Variants in ATP6V1E1 observed in about 807,000 individuals in gnomAD.
ATP6V1E1 encodes the protein V-type proton ATPase subunit E 1.
Under a neutral mutation model 35.2 loss-of-function variants are expected in ATP6V1E1, and 21 were observed. The ratio of observed to expected loss-of-function variants is 0.60; its 90% CI spans 0.42 to 0.86. The LOEUF (loss-of-function observed/expected upper bound fraction) is 0.86. Ranked by LOEUF, ATP6V1E1 falls within the 40% of genes least tolerant of loss-of-function variation. The pLI is 0.00. For missense variants in ATP6V1E1, 183 were observed against 272.6 expected (o/e 0.67, Z 2.32); for synonymous variants, 83 against 87.8 (o/e 0.95, Z 0.30).
chr22:17,596,196 C>T (rs2057731409), intron 7 of ATP6V1E1, among the ~76,000 whole-genome samples: 1 of 152,096 alleles, frequency 6.6e-6, no homozygotes, highest in Admixed American at 6.6e-5. Flanking sequence ...CGTCAATTTA[C>T]AGATAAGGGA....
intron 6 of ATP6V1E1, among the ~76,000 whole-genome samples, chr22:17,598,828 A>C (rs1362945480): frequency 6.6e-6 from 1 of 152,238 alleles, no homozygotes; most frequent in East Asian, 1.9e-4. Context: ...CTGGGTATAC[A>C]GACAAACGGA....
At position 17,626,709 on chromosome 22, in the gene ATP6V1E1, T is replaced by C. The variant is rs1478926157; in HGVS notation, c.33+1894A>G. 2.0e-5 allele frequency among the ~76,000 whole-genome samples: 3 copies of C among 152,134 alleles called. No homozygotes were observed. In the South Asian group the frequency reaches 6.2e-4, roughly 31 times the overall value. On this transcript the variant is annotated intron_variant, in intron 1 of 8. Transcript: ENST00000253413. The stretch of plus-strand genomic sequence containing the variant: ...GCACGCCCCACTAATTTTGTATTTT[T>C]AGTAGAGACAGGGTTTTGCCACGTT...
At chr22:17,594,280 A>T (rs547436297) in intron 8 of ATP6V1E1, among the ~76,000 whole-genome samples, 1 of 152,176 alleles carries the variant, frequency 6.6e-6, no homozygotes, top group Non-Finnish European at 1.5e-5. Flanking sequence ...TCAGCACCTT[A>T]CATGTAGTAA....
chr22:17,594,647 T>C (rs373830719), intron 7 of ATP6V1E1, 31 bp from the exon 8 acceptor site: 3 of 1,505,928 alleles, frequency 2.0e-6, no homozygotes, highest in Non-Finnish European at 2.7e-6. Flanking sequence ...GAAATAATCA[T>C]TTTCAAAGAC....
At chr22:17,615,266 A>G (rs183851700) in intron 2 of ATP6V1E1, among the ~76,000 whole-genome samples, 2 of 152,118 alleles carry the variant, frequency 1.3e-5, no homozygotes, top group African/African-American at 2.4e-5. Flanking sequence ...ATGCCACTGC[A>G]CTCTAGCCTG....
At chr22:17,607,385 T>C in intron 4 of ATP6V1E1, among the ~76,000 whole-genome samples, 1 of 152,152 alleles carries the variant, frequency 6.6e-6, no homozygotes, top group East Asian at 1.9e-4. Flanking sequence ...CTCGATCTCC[T>C]GACCTCACGA....
At chr22:17,611,814 C>T (rs1402881670) in intron 4 of ATP6V1E1, among the ~76,000 whole-genome samples, 1 of 152,174 alleles carries the variant, frequency 6.6e-6, no homozygotes, top group Non-Finnish European at 1.5e-5. Flanking sequence ...CTGCCACCAT[C>T]GATTAATAAG....
intron 2 of ATP6V1E1, among the ~76,000 whole-genome samples, chr22:17,614,790 A>T (rs2057834250): frequency 6.6e-6 from 1 of 151,660 alleles, no homozygotes; most frequent in Non-Finnish European, 1.5e-5. Flanking sequence ...AACATGGTGA[A>T]ACCCCGTCTC....
chr22:17,615,204 G>C (rs916283878), intron 2 of ATP6V1E1, among the ~76,000 whole-genome samples: 1 of 152,130 alleles, frequency 6.6e-6, no homozygotes, highest in African/African-American at 2.4e-5. Context: ...GGGAGGCTGA[G>C]GCAGGAGAAT....
rs928655426 is a variant in ATP6V1E1 at position 17,626,307 on chromosome 22, CA to C, written c.33+2295del. On this transcript the variant is annotated intron_variant, in intron 1 of 8. Coordinates refer to ENST00000253413, the MANE Select transcript of ATP6V1E1 (RefSeq NM_001696.4). ...TGGGCAACAGAGCGAGACTTCGTCT[CA>C]AAAAAAAAAAAAAAAAAAAAGAAAG... Among the ~76,000 whole-genome samples the C allele has an allele frequency of 2.2e-3, 134 of 61,970 alleles. 1 individual carries two copies. The Middle Eastern group carries it at 0.027, about 13-fold the overall frequency. 40.7% of individuals were successfully genotyped at this position (61,970 alleles called of 152,430 possible). A position where few individuals can be genotyped will look rare whatever the true frequency, so the allele number is the denominator to read the frequency against.
At chr22:17,628,780 T>C (rs959061787), upstream of ATP6V1E1, 4 of 1,076,848 alleles carry the variant, frequency 3.7e-6, no homozygotes, top group Admixed American at 3.8e-5. Context: ...GCCAGGTGAC[T>C]GCACAGTTCA....
At chr22:17,594,932 C>T (rs76201493) in intron 7 of ATP6V1E1, 6,477 of 172,290 alleles carry the variant, frequency 0.038, 473 homozygotes, top group African/African-American at 0.14. Context: ...GTTGTTATAC[C>T]GTAGTGTTTA....
intron 4 of ATP6V1E1, among the ~76,000 whole-genome samples, chr22:17,601,716 C>T (rs1172155014): frequency 6.6e-6 from 1 of 152,180 alleles, no homozygotes; most frequent in Admixed American, 6.5e-5. Flanking sequence ...AAGCAATTCT[C>T]CTGCCTCAGC....
intron 4 of ATP6V1E1, among the ~76,000 whole-genome samples, chr22:17,603,103 C>A (rs371744533): frequency 4.6e-4 from 70 of 152,258 alleles, no homozygotes; most frequent in African/African-American, 1.6e-3. Flanking sequence ...GCGTGCGCCA[C>A]CTCACCCAGC....
Position 17,592,730 on chromosome 22 carries a change from G to C in ATP6V1E1, c.625C>G (p.Pro209Ala). The change falls in exon 9 of 9, where the codon CCA (proline) becomes GCA (alanine). Residue 209 changes from proline (P) to alanine (A), a missense_variant. Transcript: ENST00000253413. ...CCAAACAAGGCTCCCCGGACTTCTG[G>C]CATCATCTGTGGAGAGAAAGTGTAA... ...RLDLIAQQMM[P>A]EVRGALFGAN... The C allele has an allele frequency of 1.2e-6, 2 of 1,613,580 alleles. No homozygotes were observed. The highest frequency in any genetic ancestry group is 1.7e-6 in the Non-Finnish European group (2 of 1,179,792).
intron 2 of ATP6V1E1, among the ~76,000 whole-genome samples, chr22:17,615,382 G>C (rs5747276): frequency 0.35 from 52,894 of 151,738 alleles, 9,539 homozygotes; most frequent in African/African-American, 0.41. Flanking sequence ...GAGTGGCTCA[G>C]GCCTATAATC....
At chr22:17,625,934 C>A (rs1007810518) in intron 1 of ATP6V1E1, among the ~76,000 whole-genome samples, 1 of 151,594 alleles carries the variant, frequency 6.6e-6, no homozygotes, top group Non-Finnish European at 1.5e-5. Flanking sequence ...ACGACTTCCA[C>A]AACAATTTTT....
At chr22:17,627,037 T>G (rs2057911271) in intron 1 of ATP6V1E1, among the ~76,000 whole-genome samples, 1 of 152,002 alleles carries the variant, frequency 6.6e-6, no homozygotes, top group Non-Finnish European at 1.5e-5. Flanking sequence ...TCACCCAGGC[T>G]GGAGTGCAGT....
chr22:17,611,228 G>A (rs2057813887), intron 4 of ATP6V1E1, among the ~76,000 whole-genome samples: 1 of 152,198 alleles, frequency 6.6e-6, no homozygotes, highest in Admixed American at 6.5e-5. Flanking sequence ...TGACACTTTA[G>A]TGAAGACGCA....
Sources: gnomAD v4.1 joint callset for allele counts (sites outside exome capture counted in the v4.1 genomes callset) on GRCh38, gnomAD v4.1.1 for gene constraint, MANE v1.5 for transcripts, NCBI Gene and HGNC (gene_info 2026-07-23, HGNC 2026-07-21) for gene names.